Variants in USP18 observed in about 807,000 individuals in gnomAD.
USP18 encodes the protein ubiquitin specific peptidase 18.
USP18 carries 11 observed loss-of-function variants against 48.7 expected under a neutral mutation model. That is an observed-to-expected ratio of 0.23 (90% CI 0.14 to 0.37). USP18 has a LOEUF of 0.37. Among genes scored for constraint, USP18 ranks in the 10% least tolerant of loss-of-function variants. The pLI, the probability that USP18 is intolerant of heterozygous loss-of-function variation, is 1.00. For synonymous variants in USP18, 114 were observed against 163.2 expected (o/e 0.70, Z 2.30); for missense variants, 285 against 436.4 (o/e 0.65, Z 3.09).
chr22:18,158,388 G>T (rs555069495), intron 2 of USP18, among the ~76,000 whole-genome samples: 2 of 152,328 alleles, frequency 1.3e-5, no homozygotes, highest in East Asian at 3.9e-4. Flanking sequence ...TTAAGCCAGT[G>T]CTGGGATTCT....
chr22:18,170,212 A>G (rs558133402), intron 7 of USP18, among the ~76,000 whole-genome samples: 1 of 151,132 alleles, frequency 6.6e-6, no homozygotes, highest in Non-Finnish European at 1.5e-5. Flanking sequence ...AAGCGGACCC[A>G]TACAGTCCAA....
intron 1 of USP18, among the ~76,000 whole-genome samples, chr22:18,154,302 C>T (rs1929071499): frequency 6.6e-6 from 1 of 152,028 alleles, no homozygotes; most frequent in Admixed American, 6.6e-5. Context: ...TTCTTTGTAT[C>T]TCAGTTTTCT....
At chr22:18,154,706 G>T (rs1005919602) in intron 1 of USP18, among the ~76,000 whole-genome samples, 1 of 152,110 alleles carries the variant, frequency 6.6e-6, no homozygotes, top group South Asian at 2.1e-4. Flanking sequence ...CTCCCAAACT[G>T]CTGGGATTAC....
intron 4 of USP18, among the ~76,000 whole-genome samples, chr22:18,165,693 T>A (rs1269621685): frequency 6.6e-6 from 1 of 151,912 alleles, no homozygotes; most frequent in Non-Finnish European, 1.5e-5. Flanking sequence ...TGGCAGTAGA[T>A]TTGCAGCCCA....
At chr22:18,167,697 C>CAAAAA (rs748332867) in intron 5 of USP18, among the ~76,000 whole-genome samples, 193 bp from the exon 6 acceptor site, 1 of 94,342 alleles carries the variant, frequency 1.1e-5, no homozygotes. Flanking sequence ...GACTCTGTCT[C>CAAAAA]AAAAAAAAAA....
intron 9 of USP18, 147 bp from the exon 10 acceptor site, chr22:18,173,646 C>G: frequency 8.0e-7 from 1 of 1,254,376 alleles, no homozygotes; most frequent in Non-Finnish European, 1.1e-6. Flanking sequence ...CTTCATTGCA[C>G]AAGACATCCT....
intron 4 of USP18, among the ~76,000 whole-genome samples, chr22:18,164,389 T>C (rs1415765388): frequency 2.0e-5 from 3 of 151,982 alleles, no homozygotes; most frequent in East Asian, 3.9e-4. Context: ...ATACAGAGCC[T>C]TGTCAGCTCC....
At chr22:18,169,757 C>T (rs1929575803) in intron 6 of USP18, 87 bp from the exon 7 acceptor site, 9 of 1,458,238 alleles carry the variant, frequency 6.2e-6, no homozygotes, top group Non-Finnish European at 8.4e-6. Flanking sequence ...CAGCTATTGT[C>T]TCACAGCAGT....
intron 1 of USP18, among the ~76,000 whole-genome samples, chr22:18,156,742 C>T (rs1389332161): frequency 3.3e-5 from 5 of 152,162 alleles, no homozygotes; most frequent in African/African-American, 7.2e-5. Flanking sequence ...GAAGAAACTC[C>T]GAACACATCC....
Position 18,155,477 on chromosome 22 carries a change from C to T in USP18, c.-106-2081C>T, listed in dbSNP as rs568695415. 2.2e-3 allele frequency among the ~76,000 whole-genome samples: 331 copies of T among 152,314 alleles called. 1 individual carries two copies. The highest frequency in any genetic ancestry group is 0.014 in the Middle Eastern group (4 of 294). ...TGCACTGTGGGAGCCCCTTCCTGGG[C>T]TGGCCGAGGCTGGAGTGGGCTCCCT... On this transcript the variant is annotated intron_variant, in intron 1 of 10. Coordinates refer to ENST00000215794, the MANE Select transcript of USP18 (RefSeq NM_017414.4).
chr22:18,165,829 C>T (rs1362592413), intron 4 of USP18, among the ~76,000 whole-genome samples: 2 of 149,716 alleles, frequency 1.3e-5, no homozygotes, highest in African/African-American at 2.5e-5. Flanking sequence ...CTTTTCTGCC[C>T]GGAAAGGCGC....
intron 1 of USP18, among the ~76,000 whole-genome samples, chr22:18,154,535 C>A (rs1929078108): frequency 6.6e-6 from 1 of 152,136 alleles, no homozygotes; most frequent in African/African-American, 2.4e-5. Context: ...CAGCCTCAAA[C>A]TCCTGGCCTC....
Position 18,157,580 on chromosome 22 carries a change from C to T in USP18, c.-84C>T. 1 of 1,572,002 alleles carries T rather than the reference C, an allele frequency of 6.4e-7. No individual in the cohort carries two copies. Among genetic ancestry groups the T allele is most frequent in the East Asian group, 2.2e-5 (1 of 44,462 alleles). Reference sequence around the variant, plus strand: ...CAGAGATTCCATCGTGCCTGGCTCACATAAGCGCTTCCTGGAAGTGAAGTC... The same window carrying T: ...CAGAGATTCCATCGTGCCTGGCTCATATAAGCGCTTCCTGGAAGTGAAGTC... On this transcript the variant is annotated 5_prime_UTR_variant, in exon 2 of 11. Coordinates refer to ENST00000215794, the MANE Select transcript of USP18 (RefSeq NM_017414.4).
At chr22:18,169,764 C>A in intron 6 of USP18, 80 bp from the exon 7 acceptor site, 1 of 1,453,906 alleles carries the variant, frequency 6.9e-7, no homozygotes, top group Non-Finnish European at 9.4e-7. Context: ...TGTCTCACAG[C>A]AGTGTGAGAA....
intron 5 of USP18, among the ~76,000 whole-genome samples, 165 bp from the exon 6 acceptor site, chr22:18,167,723 AAG>A (rs1329771318): frequency 2.6e-5 from 4 of 151,536 alleles, no homozygotes; most frequent in Non-Finnish European, 5.9e-5. Context: ...AAAAAGAAAA[AAG>A]AGTTAATCCA....
chr22:18,168,100 C>T (rs1929530600), intron 6 of USP18, 64 bp downstream of exon 6: 1 of 1,593,752 alleles, frequency 6.3e-7, no homozygotes, highest in Non-Finnish European at 8.6e-7. Context: ...GTTGTTATAA[C>T]TCAATATCTG....
In USP18 at chr22:18,174,692, G is replaced by A. The variant is rs1185085821; in HGVS notation, c.1073+850G>A. Among the ~76,000 whole-genome samples the A allele has an allele frequency of 2.6e-5, 4 of 152,102 alleles. No individual in the cohort carries two copies. The South Asian group carries it at 8.3e-4, about 32-fold the overall frequency. ...CAGCCTTGAACTCCTGGGCACAGGT[G>A]ATCCTCCCACCTCAGCCTCCTGAAT... On this transcript the variant is annotated intron_variant, in intron 10 of 10. Coordinates refer to ENST00000215794, the MANE Select transcript of USP18 (RefSeq NM_017414.4).
intron 4 of USP18, among the ~76,000 whole-genome samples, chr22:18,164,571 G>A (rs1034024101): frequency 1.7e-4 from 25 of 151,422 alleles, no homozygotes; most frequent in Non-Finnish European, 3.4e-4. Context: ...TGCCTCATTG[G>A]CTCCAGGTGC....
intron 4 of USP18, among the ~76,000 whole-genome samples, chr22:18,166,425 C>T (rs983247494): frequency 1.3e-5 from 2 of 152,168 alleles, no homozygotes; most frequent in Non-Finnish European, 2.9e-5. Context: ...ACGCCAACAT[C>T]TAGGGCTTCT....
Sources: allele counts gnomAD v4.1 joint callset (sites outside exome capture counted in the v4.1 genomes callset), GRCh38; gene constraint gnomAD v4.1.1; transcripts MANE v1.5; gene names NCBI Gene and HGNC (gene_info 2026-07-23, HGNC 2026-07-21).